Variants in RAB11FIP3 observed in about 807,000 individuals in gnomAD.
The protein encoded by RAB11FIP3 is rab11 family-interacting protein 3.
Under a neutral mutation model 77.8 loss-of-function variants are expected in RAB11FIP3, and 17 were observed. The ratio of observed to expected loss-of-function variants is 0.22; its 90% CI spans 0.15 to 0.33. RAB11FIP3 has a LOEUF of 0.33. Among genes scored for constraint, RAB11FIP3 ranks in the 10% least tolerant of loss-of-function variants. The probability of loss-of-function intolerance (pLI) is 1.00; values close to 1 mark genes in which losing one functional copy is unlikely to be tolerated. For synonymous variants in RAB11FIP3, 437 were observed against 448.2 expected (o/e 0.98, Z 0.31); for missense variants, 1,005 against 1,011.2 (o/e 0.99, Z 0.08).
chr16:438,974 G>A (rs1017017519), intron 1 of RAB11FIP3, among the ~76,000 whole-genome samples: 1 of 152,130 alleles, frequency 6.6e-6, no homozygotes, highest in African/African-American at 2.4e-5. Context: ...GGCGTGAACC[G>A]CCGCGCCCGG....
rs2056066758 is a variant in RAB11FIP3 at position 482,574 on chromosome 16, G to C, written c.953G>C (p.Ser318Thr). 6.2e-7 allele frequency: 1 copy of C among 1,613,662 alleles called. No individual in the cohort carries two copies. The highest frequency in any genetic ancestry group is 8.5e-7 in the Non-Finnish European group (1 of 1,180,036). ...TACATGGGCTCCGAGAGCACCTACA[G>C]TGAGTGTGAGACCTTCACGGACGAG... is the stretch of plus-strand genomic sequence containing the variant. ...SAYMGSESTY[S>T]ECETFTDEDT... The change falls in exon 4 of 14, where the codon AGT becomes ACT. Residue 318 changes from serine (S) to threonine (T), a missense_variant. Ser to Thr is a moderately conservative substitution (Grantham distance 58). Transcript: ENST00000262305.
intron 1 of RAB11FIP3, among the ~76,000 whole-genome samples, chr16:436,312 G>A (rs6600220): frequency 0.65 from 98,161 of 151,966 alleles, 33,786 homozygotes; most frequent in African/African-American, 0.89. Context: ...GTGTCTCAAA[G>A]AAGAAGAAAA....
chr16:508,364 C>T (rs760302458), intron 8 of RAB11FIP3, among the ~76,000 whole-genome samples: 13 of 152,054 alleles, frequency 8.5e-5, no homozygotes, highest in African/African-American at 2.4e-4. Context: ...GCCTTTATTT[C>T]GTTTTGTTTT....
intron 5 of RAB11FIP3, among the ~76,000 whole-genome samples, chr16:492,540 A>AGGGCCCTCCCCGGG: frequency 7.3e-6 from 1 of 137,800 alleles, no homozygotes; most frequent in South Asian, 2.1e-4. Flanking sequence ...GAGGCCGTCC[A>AGGGCCCTCCCCGGG]GAATCTTGGA....
chr16:510,616 C>T, intron 8 of RAB11FIP3, 44 bp from the exon 9 acceptor site: 1 of 1,547,334 alleles, frequency 6.5e-7, no homozygotes, highest in Non-Finnish European at 8.7e-7. Flanking sequence ...AGCCACTGCA[C>T]ACCCTGCCTG....
At chr16:475,000 G>C in intron 3 of RAB11FIP3, 1 of 1,551,730 alleles carries the variant, frequency 6.4e-7, no homozygotes, top group Non-Finnish European at 8.7e-7. Context: ...GGTTGGGACG[G>C]AGACACGATG....
At chr16:429,819 A>G (rs947476312) in intron 1 of RAB11FIP3, among the ~76,000 whole-genome samples, 1 of 152,076 alleles carries the variant, frequency 6.6e-6, no homozygotes, top group African/African-American at 2.4e-5. Context: ...TTTTTATCAA[A>G]TTTTCAGAGG....
At chr16:455,753 G>A (rs1002746825) in intron 1 of RAB11FIP3, among the ~76,000 whole-genome samples, 19 of 151,964 alleles carry the variant, frequency 1.3e-4, no homozygotes, top group Non-Finnish European at 1.6e-4. Flanking sequence ...GTGGACCGAC[G>A]AATTTTTTGG....
In RAB11FIP3 at chr16:426,229, G is replaced by C. The variant is rs1388160750; in HGVS notation, c.223G>C (p.Ala75Pro). 2 of 1,045,368 alleles carry C rather than the reference G, an allele frequency of 1.9e-6. No individual in the cohort carries two copies. Among genetic ancestry groups the C allele is most frequent in the African/African-American group, 3.4e-5 (2 of 58,020 alleles). The allele number at this position is 1,045,368 out of a possible 1,614,324, so 64.8% of individuals were successfully genotyped here. A position where few individuals can be genotyped will look rare whatever the true frequency, so the allele number is the denominator to read the frequency against. ...CGGGGCGCGTTGGAGCGCCGGGCCG[G>C]CCCCGGGGCTGGAGGGAGGCCCGCG... is the stretch of plus-strand genomic sequence containing the variant. ...DGGARWSAGP[A>P]PGLEGGPRDP... The change falls in exon 1 of 14, where the codon GCC becomes CCC. Residue 75 changes from alanine (A) to proline (P), a missense_variant. This residue lies in a region of RAB11FIP3 where 466 missense variants were observed against 408.3 expected (regional missense o/e 1.14). Coordinates refer to ENST00000262305, the MANE Select transcript of RAB11FIP3 (RefSeq NM_014700.4). The surrounding 1 kb of genome is among the most constrained non-coding windows in gnomAD (Gnocchi z 5.0).
At chr16:459,850 C>T (rs781133358) in intron 1 of RAB11FIP3, among the ~76,000 whole-genome samples, 1 of 150,106 alleles carries the variant, frequency 6.7e-6, no homozygotes, top group Non-Finnish European at 1.5e-5. Context: ...AAGTTTTTTG[C>T]CCACTTAAAA....
intron 5 of RAB11FIP3, among the ~76,000 whole-genome samples, chr16:490,565 G>A (rs1457846071): frequency 1.3e-5 from 2 of 152,290 alleles, no homozygotes; most frequent in East Asian, 1.9e-4. Flanking sequence ...TCAAACGCCT[G>A]AGCTCAAGCG....
chr16:482,829 C>G (rs765161136), intron 4 of RAB11FIP3, 93 bp downstream of exon 4: 1 of 1,330,194 alleles, frequency 7.5e-7, no homozygotes, highest in South Asian at 1.3e-5. Context: ...TGGAGGAGTG[C>G]GTGCTGGTTA....
chr16:470,658 A>G (rs2055791650), intron 2 of RAB11FIP3, among the ~76,000 whole-genome samples: 1 of 152,200 alleles, frequency 6.6e-6, no homozygotes, highest in Admixed American at 6.5e-5. Context: ...TTCCTACAGG[A>G]GGAGAGGCAG....
intron 6 of RAB11FIP3, 90 bp from the exon 7 acceptor site, chr16:502,910 CTGCT>C: frequency 1.9e-6 from 2 of 1,027,220 alleles, no homozygotes; most frequent in South Asian, 2.6e-5. Flanking sequence ...ATGCTGCTGC[CTGCT>C]TTTCAGATTG....
In RAB11FIP3 at chr16:471,323, C is replaced by T. The variant is rs763626399; in HGVS notation, c.837C>T (p.Val279=). ...GDPDGQCYGG[V]ASAQDEEPLA... is the part of the protein sequence containing the mutation. Reference sequence around the variant, plus strand: ...CTGATGGCCAGTGCTACGGTGGTGTCGCTTCTGCCCAAGATGAGGAGCCCC... The same window carrying T: ...CTGATGGCCAGTGCTACGGTGGTGTTGCTTCTGCCCAAGATGAGGAGCCCC... The change falls in exon 3 of 14, where the codon GTC becomes GTT. Residue 279 remains valine, a synonymous_variant. Transcript: ENST00000262305. The surrounding 1 kb of genome is among the most constrained non-coding windows in gnomAD (Gnocchi z 4.4). 8.7e-6 allele frequency: 14 copies of T among 1,613,894 alleles called. No homozygotes were observed. In the Middle Eastern group the frequency reaches 9.9e-4, roughly 114 times the overall value.
intron 1 of RAB11FIP3, among the ~76,000 whole-genome samples, chr16:428,784 T>G (rs575509889): frequency 6.6e-6 from 1 of 152,310 alleles, no homozygotes; most frequent in African/African-American, 2.4e-5. Context: ...ACATCTTTTG[T>G]CATAACCTCC....
At chr16:510,860 C>A in intron 9 of RAB11FIP3, 60 bp downstream of exon 9, 1 of 1,566,914 alleles carries the variant, frequency 6.4e-7, no homozygotes, top group Non-Finnish European at 8.6e-7. Context: ...GGAGACGGTC[C>A]CCAACAGCCC....
At position 471,224 on chromosome 16, in the gene RAB11FIP3, C is replaced by T. The variant is rs371030657; in HGVS notation, c.809-71C>T. On this transcript the variant is annotated intron_variant, in intron 2 of 13. Coordinates refer to ENST00000262305, the MANE Select transcript of RAB11FIP3 (RefSeq NM_014700.4). This position sits in a 1 kb window ranked among gnomAD's most constrained non-coding sequence, Gnocchi z 4.4. ...TGGGGGCCTCCTTCCCAGGGAGTCC[C>T]GAGGCCGCCAGGGGTCCCGTCACTG... 1.2e-5 allele frequency: 16 copies of T among 1,385,060 alleles called. No homozygotes were observed. The highest frequency in any genetic ancestry group is 2.9e-5 in the African/African-American group (2 of 69,810). 85.8% of individuals were successfully genotyped at this position (1,385,060 alleles called of 1,614,324 possible).
At chr16:467,564 T>A (rs1238792141) in intron 2 of RAB11FIP3, among the ~76,000 whole-genome samples, 9 of 60,514 alleles carry the variant, frequency 1.5e-4, no homozygotes, top group African/African-American at 3.6e-4. Flanking sequence ...GAGGAGGTGC[T>A]GGGACGTCAG....
Sources: allele counts gnomAD v4.1 joint callset (sites outside exome capture counted in the v4.1 genomes callset), GRCh38; gene constraint gnomAD v4.1.1; regional missense constraint gnomAD v4.1.1; non-coding constraint Gnocchi (gnomAD v3.1); transcripts MANE v1.5; gene names NCBI Gene and HGNC (gene_info 2026-07-23, HGNC 2026-07-21).